The following ATG2A variants were observed in gnomAD, a reference collection of about 807,000 sequenced individuals.
The protein encoded by ATG2A is autophagy-related protein 2 homolog A.
In ATG2A, 103 loss-of-function variants were observed where a neutral mutation model predicts 214.2. That is an observed-to-expected ratio of 0.48 (90% CI 0.41 to 0.57). The LOEUF (loss-of-function observed/expected upper bound fraction) is 0.57, where lower values mean the gene tolerates loss of function less well. ATG2A is among the 20% of genes least tolerant of loss of function. The probability of loss-of-function intolerance (pLI) is 0.00; values close to 1 mark genes in which losing one functional copy is unlikely to be tolerated. For missense variants in ATG2A, 2,312 were observed against 2,613.2 expected (o/e 0.88, Z 2.51); for synonymous variants, 1,160 against 1,142.1 (o/e 1.02, Z -0.32).
intron 22 of ATG2A, 96 bp downstream of exon 22, chr11:64,906,017 T>TTCCTCCCACCGGCC: frequency 6.9e-7 from 1 of 1,451,084 alleles, no homozygotes. Flanking sequence ...CCAGTCCATG[T>TTCCTCCCACCGGCC]TCCTCCCACC....
At position 64,895,583 on chromosome 11, in the gene ATG2A, C is replaced by T. The variant is rs1944123127; in HGVS notation, c.5428-141G>A. The stretch of plus-strand genomic sequence containing the variant: ...TGGCCTAGGGGGTCCTGCTCAGCCT[C>T]ACTCCCCACTTCCTCCCACTCTTCC... On this transcript the variant is annotated intron_variant, in intron 39 of 40. Coordinates refer to ENST00000377264, the MANE Select transcript of ATG2A (RefSeq NM_015104.3). The surrounding 1 kb of genome is among the most constrained non-coding windows in gnomAD (Gnocchi z 5.0). The T allele has an allele frequency of 1.3e-5, 12 of 953,350 alleles. No homozygotes were observed. The highest frequency in any genetic ancestry group is 1.5e-5 in the Non-Finnish European group (10 of 663,102). The allele number at this position is 953,350 out of a possible 1,614,324, so 59.1% of individuals were successfully genotyped here. A position where few individuals can be genotyped will look rare whatever the true frequency, so the allele number is the denominator to read the frequency against.
At chr11:64,900,265 G>C (rs956373099) in intron 31 of ATG2A, among the ~76,000 whole-genome samples, 1 of 151,952 alleles carries the variant, frequency 6.6e-6, no homozygotes, top group African/African-American at 2.4e-5. Flanking sequence ...CTTCAGAAGA[G>C]GACTTTCCAG....
chr11:64,906,475 C>T lies in ATG2A; in HGVS notation c.3042G>A (p.Pro1014=), dbSNP rs770452196. The change falls in exon 21 of 41, where the codon CCG becomes CCA. Residue 1014 remains proline (P), a synonymous_variant. Transcript: ENST00000377264. ...GGTAGATGGTTGGGGCCAGCTGAGC[C>T]GGGGGAGCGAAACTGGGAAGGTCCA... is the stretch of plus-strand genomic sequence containing the variant. ...SHLDLPSFAP[P]AQLAPTIYPS... is the part of the protein sequence containing the mutation. 8.1e-6 allele frequency: 13 copies of T among 1,613,152 alleles called. No homozygotes were observed. The highest frequency in any genetic ancestry group is 4.0e-5 in the African/African-American group (3 of 74,906).
chr11:64,900,648 G>A lies in ATG2A; in HGVS notation c.4329-19C>T. ...TCTTGCCCTGGGAAGAGGGACAGGG[G>A]CCAAGCTGACTCAGAGGAACCCCAT... On this transcript the variant is annotated intron_variant, in intron 30 of 40. Coordinates refer to ENST00000377264, the MANE Select transcript of ATG2A (RefSeq NM_015104.3). 8.2e-6 allele frequency: 13 copies of A among 1,580,616 alleles called. No individual in the cohort carries two copies. Among genetic ancestry groups the A allele is most frequent in the South Asian group, 1.2e-5 (1 of 86,714 alleles).
At position 64,898,297 on chromosome 11, in the gene ATG2A, G is replaced by A. The variant is rs142830078; in HGVS notation, c.4737C>T (p.Arg1579=). 1,171 of 1,613,226 alleles carry A rather than the reference G, an allele frequency of 7.3e-4. 17 individuals are homozygous for A. In the East Asian group the frequency reaches 0.021, roughly 28 times the overall value. The change falls in exon 33 of 41, where the codon CGC becomes CGT. Residue 1579 remains arginine (R), a synonymous_variant. Transcript: ENST00000377264. This position sits in a 1 kb window ranked among gnomAD's most constrained non-coding sequence, Gnocchi z 4.5. ...TNLGGPECCL[R]VSLMPLRLNV... is the part of the protein sequence containing the mutation. ...TGAGCCGCAGGGGCATCAGCGAGAC[G>A]CGGAGACAGCACTCAGGCCCACCCA... is the stretch of plus-strand genomic sequence containing the variant.
At position 64,911,380 on chromosome 11, in the gene ATG2A, C is replaced by T. The variant is rs1392999450; in HGVS notation, c.1229-105G>A. 2.6e-5 allele frequency: 30 copies of T among 1,143,000 alleles called. No homozygotes were observed. The Admixed American group carries it at 2.8e-4, about 11-fold the overall frequency. The allele number at this position is 1,143,000 out of a possible 1,614,324, so 70.8% of individuals were successfully genotyped here. The stretch of plus-strand genomic sequence containing the variant: ...GGGGGTTGGGAGGCCAGGTCTGCCC[C>T]ACCATGTGGCTCTGGCAGAAGGCTT... On this transcript the variant is annotated intron_variant, in intron 9 of 40. Transcript: ENST00000377264.
In ATG2A at chr11:64,917,024, G is replaced by C; in HGVS notation, c.112C>G (p.Leu38Val). ...FFQEHLSLDQ[L>V]SLDLYKGSVA... is the part of the protein sequence containing the mutation. ...CTGCCCTTGTACAGATCGAGGCTGA[G>C]CTGGTCCAGGCTGAGGTGCTCTTGG... The change falls in exon 1 of 41, where the codon CTC becomes GTC. Residue 38 changes from leucine (L) to valine (V), a missense_variant. Transcript: ENST00000377264. 6.2e-7 allele frequency: 1 copy of C among 1,613,846 alleles called. No homozygotes were observed.
At position 64,895,358 on chromosome 11, in the gene ATG2A, G is replaced by A. The variant is rs1336245933; in HGVS notation, c.5512C>T (p.Leu1838=). The change falls in exon 40 of 41, where the codon CTG becomes TTG. Residue 1838 remains leucine (L), a synonymous_variant. Transcript: ENST00000377264. The surrounding 1 kb of genome is among the most constrained non-coding windows in gnomAD (Gnocchi z 5.0). The stretch of plus-strand genomic sequence containing the variant: ...TCGGCAGGCTGCTGGCCCCTGCGCA[G>A]CCTCCGCGCAGAGCGCTTATCCTGC... ...SLQDKRSARR[L]RRGQQPADLR... The A allele has an allele frequency of 6.2e-7, 1 of 1,613,024 alleles. No individual in the cohort carries two copies.
At chr11:64,906,269 T>TCCCACCGCACACCGGGGC in intron 21 of ATG2A, 65 bp downstream of exon 21, 3 of 1,605,614 alleles carry the variant, frequency 1.9e-6, no homozygotes, top group Non-Finnish European at 2.6e-6. Context: ...CGCACTGGGG[T>TCCCACCGCACACCGGGGC]CCCACCGCAC....
chr11:64,911,335 C>G, intron 9 of ATG2A, 60 bp from the exon 10 acceptor site: 1 of 1,546,364 alleles, frequency 6.5e-7, no homozygotes, highest in Non-Finnish European at 8.8e-7. Flanking sequence ...CCAGGTGGAG[C>G]AATAGTTTGC....
intron 29 of ATG2A, 91 bp from the exon 30 acceptor site, chr11:64,901,183 T>C: frequency 6.1e-6 from 2 of 328,952 alleles, no homozygotes; most frequent in South Asian, 6.6e-5. Flanking sequence ...TTCTTTTTCA[T>C]TTTTTTTTTT....
Position 64,910,805 on chromosome 11 carries a change from A to G in ATG2A, c.1614+2T>C. On this transcript the variant is annotated splice_donor_variant, in intron 11 of 40. Transcript: ENST00000377264. LOFTEE classifies it high-confidence loss of function. ...TCGTACACATTCTGCCTCTGCCCTC[A>G]CCTCCGTGTACTCAGGCTCAGAGGT... 3 of 1,609,574 alleles carry G rather than the reference A, an allele frequency of 1.9e-6. No homozygotes were observed. The highest frequency in any genetic ancestry group is 2.5e-6 in the Non-Finnish European group (3 of 1,178,406).
Position 64,906,513 on chromosome 11 carries a change from G to A in ATG2A, c.3004C>T (p.Leu1002=). The change falls in exon 21 of 41, where the codon CTG becomes TTG. Residue 1002 remains leucine (L), a synonymous_variant. Coordinates refer to ENST00000377264, the MANE Select transcript of ATG2A (RefSeq NM_015104.3). ...CTGGGAAGGTCCAGGTGACTGGGCA[G>A]CGGGTAGTCATCCACGGCCGCTGGG... ...YHRAAVDDYP[L]PSHLDLPSFA... The A allele has an allele frequency of 6.2e-7, 1 of 1,613,180 alleles. No individual in the cohort carries two copies. The highest frequency in any genetic ancestry group is 8.5e-7 in the Non-Finnish European group (1 of 1,179,954).
In ATG2A at chr11:64,903,313, C is replaced by G. The variant is rs1226133382; in HGVS notation, c.3587G>C (p.Trp1196Ser). The stretch of plus-strand genomic sequence containing the variant: ...CAGTTTGCCCTCGGTGCTCCCTTTC[C>G]AGGTTTTAATCACAAGTTCCAAGAG... ...VDLLELVIKT[W>S]KGSTEGKLSQ... The change falls in exon 26 of 41, where the codon TGG (tryptophan) becomes TCG (serine). Residue 1196 changes from tryptophan to serine, a missense_variant. Physicochemically the swap from Trp to Ser is radical, Grantham distance 177. Coordinates refer to ENST00000377264, the MANE Select transcript of ATG2A (RefSeq NM_015104.3). This position sits in a 1 kb window ranked among gnomAD's most constrained non-coding sequence, Gnocchi z 4.2. The G allele has an allele frequency of 1.2e-6, 2 of 1,614,082 alleles. No individual in the cohort carries two copies. Among genetic ancestry groups the G allele is most frequent in the South Asian group, 2.2e-5 (2 of 91,088 alleles).
intron 1 of ATG2A, among the ~76,000 whole-genome samples, chr11:64,915,839 G>A (rs1018100475): frequency 6.6e-6 from 1 of 152,114 alleles, no homozygotes; most frequent in Non-Finnish European, 1.5e-5. Context: ...GCCTAGAGAC[G>A]GCCTTAGAGG....
Position 64,894,595 on chromosome 11 carries a change from C to G in ATG2A, c.*378G>C. On this transcript the variant is annotated 3_prime_UTR_variant, in exon 41 of 41. Coordinates refer to ENST00000377264, the MANE Select transcript of ATG2A (RefSeq NM_015104.3). ...TCATGCAGACACTGACCCACGCACT[C>G]ACGGAGCTTAAAAATAATACATCGA... is the stretch of plus-strand genomic sequence containing the variant. 3.9e-6 allele frequency: 2 copies of G among 507,458 alleles called. No individual in the cohort carries two copies. Among genetic ancestry groups the G allele is most frequent in the Non-Finnish European group, 7.7e-6 (2 of 260,732 alleles). The allele number at this position is 507,458 out of a possible 1,614,324, so 31.4% of individuals were successfully genotyped here. A position where few individuals can be genotyped will look rare whatever the true frequency, so the allele number is the denominator to read the frequency against.
In ATG2A at chr11:64,907,856, G is replaced by A. The variant is rs759102123; in HGVS notation, c.2399C>T (p.Thr800Met). The change falls in exon 17 of 41, where the codon ACG becomes ATG. Residue 800 changes from threonine (T) to methionine (M), a missense_variant. Physicochemically the swap from Thr to Met is moderately conservative, Grantham distance 81. Coordinates refer to ENST00000377264, the MANE Select transcript of ATG2A (RefSeq NM_015104.3). ...CAGTGCCAGGGTCCGGCTCTGGAAC[G>A]TCCTCATCTCCTCAGGGTCTCCAGG... is the stretch of plus-strand genomic sequence containing the variant. ...VIPGDPEEMR[T>M]FQSRTLALSR... is the part of the protein sequence containing the mutation. The A allele has an allele frequency of 8.1e-6, 13 of 1,613,044 alleles. No homozygotes were observed. The highest frequency in any genetic ancestry group is 2.2e-5 in the East Asian group (1 of 44,866).
At chr11:64,897,288 T>G in intron 37 of ATG2A, 124 bp downstream of exon 37, 1 of 1,198,466 alleles carries the variant, frequency 8.3e-7, no homozygotes, top group South Asian at 1.4e-5. Flanking sequence ...TGCGTCCTTT[T>G]TACAGAGGAG....
At chr11:64,908,953 G>C (rs756213562) in intron 16 of ATG2A, 38 bp downstream of exon 16, 152 of 1,543,144 alleles carry the variant, frequency 9.9e-5, no homozygotes, top group Non-Finnish European at 1.3e-4. Context: ...GGCGGTGGGC[G>C]GGAGGGGGTC....
Sources: allele counts gnomAD v4.1 joint callset (sites outside exome capture counted in the v4.1 genomes callset), GRCh38; gene constraint gnomAD v4.1.1; non-coding constraint Gnocchi (gnomAD v3.1); transcripts MANE v1.5; gene names NCBI Gene and HGNC (gene_info 2026-07-23, HGNC 2026-07-21).